Variants in NDFIP1 observed in about 807,000 individuals in gnomAD.
NDFIP1 encodes the protein Nedd4 family interacting protein 1.
In NDFIP1, 7 loss-of-function variants were observed where a neutral mutation model predicts 28.8. The ratio of observed to expected loss-of-function variants is 0.24; its 90% CI spans 0.14 to 0.46. NDFIP1 has a LOEUF of 0.46. Ranked by LOEUF, NDFIP1 falls within the 20% of genes least tolerant of loss-of-function variation. The probability of loss-of-function intolerance (pLI) is 0.99; values close to 1 mark genes in which losing one functional copy is unlikely to be tolerated. For missense variants in NDFIP1, 194 were observed against 269.1 expected (o/e 0.72, Z 1.95); for synonymous variants, 92 against 101.0 (o/e 0.91, Z 0.53).
intron 1 of NDFIP1, among the ~76,000 whole-genome samples, chr5:142,116,008 C>A (rs1415491323): frequency 6.6e-6 from 1 of 152,090 alleles, no homozygotes; most frequent in Non-Finnish European, 1.5e-5. Context: ...AAATACTATA[C>A]CATTTTATGT....
At chr5:142,114,744 G>A (rs1561597349) in intron 1 of NDFIP1, among the ~76,000 whole-genome samples, 1 of 152,216 alleles carries the variant, frequency 6.6e-6, no homozygotes, top group Non-Finnish European at 1.5e-5. Context: ...AACAGGATTT[G>A]TCAGTGTCGG....
chr5:142,142,940 A>AAATATATATAT (rs60076432), intron 6 of NDFIP1: 15 of 38,154 alleles, frequency 3.9e-4, no homozygotes, highest in Admixed American at 1.2e-3. Context: ...AAAAAAAAAA[A>AAATATATATAT]ATATATATAT....
At chr5:142,135,899 A>G in intron 4 of NDFIP1, 82 bp downstream of exon 4, 1 of 965,410 alleles carries the variant, frequency 1.0e-6, no homozygotes, top group Non-Finnish European at 1.6e-6. Context: ...AATTAAAATA[A>G]CTAGTTGAGC....
At chr5:142,114,563 A>G (rs1211639794) in intron 1 of NDFIP1, among the ~76,000 whole-genome samples, 1 of 152,234 alleles carries the variant, frequency 6.6e-6, no homozygotes, top group Non-Finnish European at 1.5e-5. Flanking sequence ...AATGGCCAAT[A>G]TTATTTCACT....
At position 142,125,469 on chromosome 5, in the gene NDFIP1, C is replaced by T. The variant is rs553061373; in HGVS notation, c.64-6339C>T. On this transcript the variant is annotated intron_variant, in intron 1 of 7. Transcript: ENST00000253814. ...CCTTGAACTCCTTGGCTAAAGTGAT[C>T]CTCCTGTCTCAGCGTCTTGAGTAGC... Among the ~76,000 whole-genome samples the T allele has an allele frequency of 6.6e-5, 10 of 152,246 alleles. No individual in the cohort carries two copies. In the East Asian group the frequency reaches 1.9e-3, roughly 29 times the overall value.
At chr5:142,147,034 T>C (rs1282532006) in intron 7 of NDFIP1, among the ~76,000 whole-genome samples, 1 of 151,992 alleles carries the variant, frequency 6.6e-6, no homozygotes, top group African/African-American at 2.4e-5. Context: ...ACGTTAAGAG[T>C]TGTCAGAAAC....
intron 2 of NDFIP1, 90 bp downstream of exon 2, chr5:142,131,985 G>A: frequency 7.6e-7 from 1 of 1,307,924 alleles, no homozygotes; most frequent in East Asian, 2.4e-5. Context: ...TTCAGAAGCA[G>A]TTGGAAGAAA....
At chr5:142,142,413 C>T (rs991694329) in intron 6 of NDFIP1, among the ~76,000 whole-genome samples, 1 of 152,072 alleles carries the variant, frequency 6.6e-6, no homozygotes, top group Non-Finnish European at 1.5e-5. Flanking sequence ...ATTTTCTAAA[C>T]TGTACCTTTA....
chr5:142,153,369 A>C lies in NDFIP1; in HGVS notation c.*1641A>C. On this transcript the variant is annotated 3_prime_UTR_variant, in exon 8 of 8. Transcript: ENST00000253814. ...GTCTGATAGCTGCAAATGTCCATTC[A>C]TCTGCTGTGTATGTATATCCAGAAT... is the stretch of plus-strand genomic sequence containing the variant. The C allele has an allele frequency of 2.2e-6, 1 of 456,858 alleles. No individual in the cohort carries two copies. The highest frequency in any genetic ancestry group is 1.5e-5 in the South Asian group (1 of 64,574). 28.3% of individuals were successfully genotyped at this position (456,858 alleles called of 1,614,324 possible). A position where few individuals can be genotyped will look rare whatever the true frequency, so the allele number is the denominator to read the frequency against.
intron 1 of NDFIP1, among the ~76,000 whole-genome samples, chr5:142,124,856 G>A (rs911196013): frequency 6.7e-5 from 10 of 150,054 alleles, no homozygotes; most frequent in East Asian, 2.0e-4. Flanking sequence ...ACGGAGTCTC[G>A]CCTCTGTCGC....
In NDFIP1 at chr5:142,127,055, G is replaced by A. The variant is rs144583147; in HGVS notation, c.64-4753G>A. 7.3e-4 allele frequency among the ~76,000 whole-genome samples: 111 copies of A among 151,908 alleles called. 1 individual carries two copies. The highest frequency in any genetic ancestry group is 2.5e-3 in the African/African-American group (103 of 41,418). The stretch of plus-strand genomic sequence containing the variant: ...TTTTGAGACAGAATCTCACTTTGTC[G>A]CCCAGGCTGAAGTGCAGTGGCTTGA... On this transcript the variant is annotated intron_variant, in intron 1 of 7. Transcript: ENST00000253814.
intron 5 of NDFIP1, chr5:142,138,125 A>G: frequency 3.6e-6 from 1 of 277,710 alleles, no homozygotes; most frequent in Non-Finnish European, 6.8e-6. Flanking sequence ...TTATAATATG[A>G]TAATGTATAT....
Position 142,152,287 on chromosome 5 carries a change from T to G in NDFIP1, c.*559T>G, listed in dbSNP as rs995834318. ...ATAGTGCAAAAATACATTTAAGGTG[T>G]GGTCAAAAATAAGTCTTTAATTGGT... On this transcript the variant is annotated 3_prime_UTR_variant, in exon 8 of 8. Coordinates refer to ENST00000253814, the MANE Select transcript of NDFIP1 (RefSeq NM_030571.4). 1.3e-5 allele frequency: 2 copies of G among 152,664 alleles called. No individual in the cohort carries two copies. Among genetic ancestry groups the G allele is most frequent in the Non-Finnish European group, 2.9e-5 (2 of 68,014 alleles). 9.5% of individuals were successfully genotyped at this position (152,664 alleles called of 1,614,324 possible).
chr5:142,119,889 T>C (rs1596783540), intron 1 of NDFIP1, among the ~76,000 whole-genome samples: 1 of 152,314 alleles, frequency 6.6e-6, no homozygotes, highest in East Asian at 1.9e-4. Flanking sequence ...AAAACCCAAG[T>C]CCCTTTAATC....
intron 4 of NDFIP1, among the ~76,000 whole-genome samples, chr5:142,137,097 AG>A (rs1195975294): frequency 6.8e-6 from 1 of 147,146 alleles, no homozygotes; most frequent in Non-Finnish European, 1.5e-5. Flanking sequence ...AAAAAAGCAG[AG>A]GTTGTAAGTA....
chr5:142,128,483 TA>T (rs1381811659), intron 1 of NDFIP1, among the ~76,000 whole-genome samples: 2 of 152,180 alleles, frequency 1.3e-5, no homozygotes, highest in African/African-American at 4.8e-5. Context: ...CCCTGAAGTG[TA>T]AAAAGATGTA....
intron 7 of NDFIP1, among the ~76,000 whole-genome samples, chr5:142,149,006 A>G (rs1757419463): frequency 6.6e-6 from 1 of 152,074 alleles, no homozygotes; most frequent in Non-Finnish European, 1.5e-5. Flanking sequence ...GTGTGGTACC[A>G]AAAGCACTTG....
In NDFIP1 at chr5:142,153,331, C is replaced by T. The variant is rs1339286058; in HGVS notation, c.*1603C>T. 5 of 456,622 alleles carry T rather than the reference C, an allele frequency of 1.1e-5. No homozygotes were observed. Among genetic ancestry groups the T allele is most frequent in the Admixed American group, 9.4e-5 (4 of 42,562 alleles). The allele number at this position is 456,622 out of a possible 1,614,324, so 28.3% of individuals were successfully genotyped here. On this transcript the variant is annotated 3_prime_UTR_variant, in exon 8 of 8. Coordinates refer to ENST00000253814, the MANE Select transcript of NDFIP1 (RefSeq NM_030571.4). Reference sequence around the variant, plus strand: ...AAGATGGTCAAATTACTACACAAATCAGCACCAGCACAGTCTGATAGCTGC... The same window carrying T: ...AAGATGGTCAAATTACTACACAAATTAGCACCAGCACAGTCTGATAGCTGC...
At chr5:142,138,362 T>G (rs965302779) in intron 5 of NDFIP1, among the ~76,000 whole-genome samples, 1 of 152,200 alleles carries the variant, frequency 6.6e-6, no homozygotes. Flanking sequence ...GGAGCCTACC[T>G]CTCAAGTAAA....
Sources: gnomAD v4.1 joint callset for allele counts (sites outside exome capture counted in the v4.1 genomes callset) on GRCh38, gnomAD v4.1.1 for gene constraint, MANE v1.5 for transcripts, NCBI Gene and HGNC (gene_info 2026-07-23, HGNC 2026-07-21) for gene names.